CNTNAP2: variants seen among roughly 807,000 people sequenced by gnomAD.
CNTNAP2 encodes the protein contactin-associated protein-like 2.
Under a neutral mutation model 155.2 loss-of-function variants are expected in CNTNAP2, and 98 were observed. The ratio of observed to expected loss-of-function variants is 0.63; its 90% CI spans 0.54 to 0.75. CNTNAP2 has a LOEUF of 0.75. CNTNAP2 is among the 30% of genes least tolerant of loss of function. CNTNAP2 has a pLI of 0.00. For missense variants in CNTNAP2, 1,727 were observed against 1,688.1 expected, an observed-to-expected ratio of 1.02 and a Z score of -0.40; for synonymous variants, 651 against 631.2, an observed-to-expected ratio of 1.03 and a Z score of -0.47.
chr7:147,979,870 G>A (rs1801491974), intron 15 of CNTNAP2, among the ~76,000 whole-genome samples: 2 of 152,062 alleles, frequency 1.3e-5, no homozygotes, highest in South Asian at 4.1e-4. Context: ...TGATCCACAC[G>A]CCTCGGCCTC....
chr7:148,251,770 C>T (rs550348106), intron 20 of CNTNAP2, among the ~76,000 whole-genome samples: 1 of 152,324 alleles, frequency 6.6e-6, no homozygotes, highest in South Asian at 2.1e-4. Context: ...AAGCAGCAGC[C>T]TCAGGCATTG....
At chr7:147,918,153 T>C (rs1389580423) in intron 14 of CNTNAP2, among the ~76,000 whole-genome samples, 1 of 152,202 alleles carries the variant, frequency 6.6e-6, no homozygotes, top group Non-Finnish European at 1.5e-5. Flanking sequence ...ATTAGATGCC[T>C]GGGTATCTGA....
intron 9 of CNTNAP2, among the ~76,000 whole-genome samples, chr7:147,326,586 A>T (rs181925204): frequency 6.6e-6 from 1 of 152,314 alleles, no homozygotes; most frequent in East Asian, 1.9e-4. Flanking sequence ...ATTCTATTTT[A>T]AATTTTAGAG....
At chr7:147,671,867 C>G (rs1259441548) in intron 13 of CNTNAP2, 9 of 152,096 alleles carry the variant, frequency 5.9e-5, no homozygotes, top group African/African-American at 1.9e-4. Context: ...CTTACAGTAC[C>G]CTTTATGCAA....
At chr7:147,048,817 A>G (rs1181334500) in intron 4 of CNTNAP2, among the ~76,000 whole-genome samples, 1 of 152,216 alleles carries the variant, frequency 6.6e-6, no homozygotes, top group Non-Finnish European at 1.5e-5. Flanking sequence ...GTCTTTTTAT[A>G]ACATAAAGGA....
chr7:147,711,520 A>C (rs189704529), intron 13 of CNTNAP2, among the ~76,000 whole-genome samples: 29 of 152,328 alleles, frequency 1.9e-4, no homozygotes, highest in African/African-American at 6.7e-4. Context: ...ACTGCTCTAT[A>C]GGATTTCCAA....
intron 13 of CNTNAP2, among the ~76,000 whole-genome samples, chr7:147,900,592 G>C (rs1223524867): frequency 1.3e-5 from 2 of 151,936 alleles, no homozygotes; most frequent in African/African-American, 4.8e-5. Flanking sequence ...ATCATTCTTG[G>C]GTTTTGGTGG....
At chr7:147,979,592 T>A (rs1422344388) in intron 15 of CNTNAP2, among the ~76,000 whole-genome samples, 1 of 152,180 alleles carries the variant, frequency 6.6e-6, no homozygotes, top group African/African-American at 2.4e-5. Flanking sequence ...ATTCCACTTC[T>A]GCAAACTTTT....
intron 1 of CNTNAP2, among the ~76,000 whole-genome samples, chr7:146,714,746 A>T (rs1341271598): frequency 2.0e-5 from 3 of 152,198 alleles, no homozygotes; most frequent in Non-Finnish European, 4.4e-5. Context: ...CTAAGAAAAA[A>T]CAAAGATAAA....
intron 17 of CNTNAP2, among the ~76,000 whole-genome samples, chr7:148,164,524 T>C (rs1450348133): frequency 1.3e-5 from 2 of 151,610 alleles, no homozygotes; most frequent in Admixed American, 1.3e-4. Context: ...CTATGCTAAT[T>C]CACAGCTCTC....
chr7:146,136,728 G>C (rs144878748), intron 1 of CNTNAP2, among the ~76,000 whole-genome samples: 1 of 152,038 alleles, frequency 6.6e-6, no homozygotes, highest in Non-Finnish European at 1.5e-5. Context: ...TTCTGTAAAC[G>C]CGGAAGCAGG....
At chr7:148,095,641 C>T (rs1803949261) in intron 15 of CNTNAP2, among the ~76,000 whole-genome samples, 1 of 152,180 alleles carries the variant, frequency 6.6e-6, no homozygotes. Flanking sequence ...TTCTGATGCT[C>T]ACCAAAGTTT....
intron 1 of CNTNAP2, among the ~76,000 whole-genome samples, chr7:146,148,540 C>G (rs1797988257): frequency 6.6e-6 from 1 of 152,088 alleles, no homozygotes; most frequent in South Asian, 2.1e-4. Flanking sequence ...AGTAACATTG[C>G]TCTGTTTCCT....
At chr7:147,694,912 A>G (rs1391699414) in intron 13 of CNTNAP2, among the ~76,000 whole-genome samples, 1 of 152,088 alleles carries the variant, frequency 6.6e-6, no homozygotes, top group Non-Finnish European at 1.5e-5. Flanking sequence ...AGCTTTTTAA[A>G]AAACTAAGGC....
intron 13 of CNTNAP2, among the ~76,000 whole-genome samples, chr7:147,775,269 ATATATATATTTATAAATATATATATT>A (rs1563084350): frequency 7.8e-4 from 79 of 101,790 alleles, no homozygotes; most frequent in Admixed American, 1.2e-3. Context: ...AAATATATTT[ATATATATATTTATAAATATATATATT>A]TATATATATT....
intron 21 of CNTNAP2, among the ~76,000 whole-genome samples, chr7:148,383,013 G>A (rs1041572477): frequency 3.3e-5 from 5 of 152,200 alleles, no homozygotes; most frequent in African/African-American, 1.2e-4. Flanking sequence ...GTAGTGGGGA[G>A]ATGGTGAGAT....
intron 15 of CNTNAP2, among the ~76,000 whole-genome samples, chr7:148,026,363 G>C (rs1035688085): frequency 6.6e-6 from 1 of 152,016 alleles, no homozygotes. Context: ...AGGTGGAAGG[G>C]TCACTTGAGT....
At chr7:147,561,362 G>C (rs748561576) in intron 11 of CNTNAP2, among the ~76,000 whole-genome samples, 3 of 152,136 alleles carry the variant, frequency 2.0e-5, no homozygotes, top group Non-Finnish European at 2.9e-5. Flanking sequence ...CTGTTTAAAA[G>C]AAAGTTTTGT....
chr7:146,562,642 C>T (rs991641051), intron 1 of CNTNAP2, among the ~76,000 whole-genome samples: 4 of 152,104 alleles, frequency 2.6e-5, no homozygotes, highest in African/African-American at 4.8e-5. Flanking sequence ...TTATGTTTAA[C>T]GCTACTGTGC....
Sources: gnomAD v4.1 joint callset for allele counts (sites outside exome capture counted in the v4.1 genomes callset) on GRCh38, gnomAD v4.1.1 for gene constraint, MANE v1.5 for transcripts, NCBI Gene and HGNC (gene_info 2026-07-23, HGNC 2026-07-21) for gene names.